Variants in CPED1 observed in about 807,000 individuals in gnomAD.
CPED1 encodes cadherin-like and PC-esterase domain-containing protein 1.
In CPED1, 114 loss-of-function variants were observed where a neutral mutation model predicts 128.2. The ratio of observed to expected loss-of-function variants is 0.89; its 90% confidence interval spans 0.76 to 1.04. CPED1 has a LOEUF of 1.04. Ranked by LOEUF, CPED1 falls within the 50% of genes least tolerant of loss-of-function variation. The pLI is 0.00. For synonymous variants in CPED1, 462 were observed against 426.7 expected (o/e 1.08, Z -1.02); for missense variants, 1,211 against 1,207.1 (o/e 1.00, Z -0.05).
At chr7:121,237,300 A>G (rs185381481) in intron 17 of CPED1, among the ~76,000 whole-genome samples, 1 of 152,290 alleles carries the variant, frequency 6.6e-6, no homozygotes, top group Non-Finnish European at 1.5e-5. Context: ...TAATTTGTAC[A>G]TAGTAGTTAG....
chr7:121,027,873 T>A (rs531004469), intron 3 of CPED1, among the ~76,000 whole-genome samples: 1 of 152,188 alleles, frequency 6.6e-6, no homozygotes, highest in South Asian at 2.1e-4. Flanking sequence ...TGGGGAACTC[T>A]TGGAATTTAA....
intron 16 of CPED1, among the ~76,000 whole-genome samples, chr7:121,153,113 A>G (rs1422653726): frequency 1.3e-5 from 2 of 152,194 alleles, no homozygotes; most frequent in African/African-American, 2.4e-5. Flanking sequence ...GAGGGGATCA[A>G]TGTTCTCTCT....
At chr7:121,281,941 A>G (rs1792473230) in intron 22 of CPED1, among the ~76,000 whole-genome samples, 1 of 152,198 alleles carries the variant, frequency 6.6e-6, no homozygotes, top group African/African-American at 2.4e-5. Context: ...AATGTAGCAA[A>G]TTCACAAAAA....
chr7:121,239,005 C>G (rs927036016), intron 17 of CPED1, among the ~76,000 whole-genome samples: 6 of 152,110 alleles, frequency 3.9e-5, no homozygotes, highest in Non-Finnish European at 8.8e-5. Context: ...TCCTCAAGCT[C>G]CAAAAGGCCC....
At chr7:121,025,286 A>G (rs1792547893) in intron 3 of CPED1, among the ~76,000 whole-genome samples, 1 of 152,136 alleles carries the variant, frequency 6.6e-6, no homozygotes, top group Non-Finnish European at 1.5e-5. Context: ...TTAACTGTCT[A>G]TAATGACTTT....
chr7:121,126,496 A>C (rs1482046110), intron 9 of CPED1, among the ~76,000 whole-genome samples: 2 of 152,142 alleles, frequency 1.3e-5, no homozygotes, highest in African/African-American at 4.8e-5. Context: ...TTATTAAATT[A>C]GTCTATAGAA....
chr7:121,081,496 TC>T (rs747746704), intron 5 of CPED1, among the ~76,000 whole-genome samples: 55 of 152,186 alleles, frequency 3.6e-4, no homozygotes, highest in Admixed American at 5.9e-4. Context: ...CCATTTTCTT[TC>T]CACTTCTCCT....
intron 22 of CPED1, among the ~76,000 whole-genome samples, chr7:121,285,604 G>A (rs1792551053): frequency 6.6e-6 from 1 of 152,158 alleles, no homozygotes. Context: ...GGGGCAAAAT[G>A]CCACCAGTCT....
rs750348141 is a variant in CPED1, at chr7:121,125,873, T to C, written c.1115T>C (p.Met372Thr). 1.9e-6 allele frequency: 3 copies of C among 1,613,214 alleles called. No individual in the cohort carries two copies. Among genetic ancestry groups the C allele is most frequent in the South Asian group, 1.1e-5 (1 of 91,068 alleles). ...LTFDIGYGSF[M>T]YPVVLQVHEH... ...TTTGATATTGGTTATGGCAGTTTCA[T>C]GTACCCTGTAGTGCTCCAGGTCAGT... Residue 372 changes from methionine (M) to threonine (T), a missense_variant, in exon 9 of 23, where the codon ATG becomes ACG. Met to Thr is a moderately conservative substitution (Grantham distance 81). Transcript: ENST00000310396.
chr7:121,099,619 G>A (rs1270383424), intron 6 of CPED1, among the ~76,000 whole-genome samples: 1 of 152,154 alleles, frequency 6.6e-6, no homozygotes, highest in Non-Finnish European at 1.5e-5. Context: ...GCCTGTCTCG[G>A]CCTCCCAAAG....
At chr7:121,006,843 G>C (rs7782552) in intron 2 of CPED1, among the ~76,000 whole-genome samples, 1 of 151,866 alleles carries the variant, frequency 6.6e-6, no homozygotes, top group Non-Finnish European at 1.5e-5. Flanking sequence ...CATCTCAAAG[G>C]AGCCTTGAAG....
intron 3 of CPED1, among the ~76,000 whole-genome samples, chr7:121,037,522 T>C (rs1792926599): frequency 1.3e-5 from 2 of 152,212 alleles, no homozygotes; most frequent in South Asian, 4.1e-4. Flanking sequence ...ACTAGTACCA[T>C]GCCATTTTGG....
chr7:121,117,924 C>CAAAAA (rs34781215), intron 7 of CPED1, among the ~76,000 whole-genome samples: 1 of 145,632 alleles, frequency 6.9e-6, no homozygotes. Flanking sequence ...AAACATTTGC[C>CAAAAA]AAAAAAAAAA....
chr7:121,131,885 T>C (rs1795679433), intron 12 of CPED1, among the ~76,000 whole-genome samples: 1 of 151,886 alleles, frequency 6.6e-6, no homozygotes, highest in Non-Finnish European at 1.5e-5. Flanking sequence ...GTAGCACAGG[T>C]AGATAGTAAA....
At chr7:121,075,594 C>T (rs12670604) in intron 5 of CPED1, among the ~76,000 whole-genome samples, 70,123 of 151,946 alleles carry the variant, frequency 0.46, 16,472 homozygotes, top group East Asian at 0.61. Flanking sequence ...TCCTGAGTAG[C>T]TGGGATTACA....
chr7:121,248,114 C>T (rs1366932180), intron 18 of CPED1, among the ~76,000 whole-genome samples: 1 of 152,144 alleles, frequency 6.6e-6, no homozygotes, highest in Admixed American at 6.5e-5. Flanking sequence ...GATCCTGGTG[C>T]CCAAGGCTGC....
chr7:121,047,750 G>T (rs1472198773), intron 4 of CPED1, among the ~76,000 whole-genome samples: 1 of 140,252 alleles, frequency 7.1e-6, no homozygotes, highest in Non-Finnish European at 1.5e-5. Flanking sequence ...TTGCTCCATC[G>T]CCCAGGCTGG....
chr7:121,199,927 T>C (rs1025202343), intron 16 of CPED1, among the ~76,000 whole-genome samples: 1 of 151,988 alleles, frequency 6.6e-6, no homozygotes, highest in Non-Finnish European at 1.5e-5. Context: ...GTATAAAAAT[T>C]ACTAGTGAGA....
At chr7:121,087,593 C>G (rs563043991) in intron 5 of CPED1, among the ~76,000 whole-genome samples, 87 of 152,002 alleles carry the variant, frequency 5.7e-4, no homozygotes, top group Non-Finnish European at 1.0e-3. Context: ...TCAGCTTCCA[C>G]TATCTGGGTC....
Sources: allele counts gnomAD v4.1 joint callset (sites outside exome capture counted in the v4.1 genomes callset), GRCh38; gene constraint gnomAD v4.1.1; transcripts MANE v1.5; gene names NCBI Gene and HGNC (gene_info 2026-07-23, HGNC 2026-07-21).